NPAS3: variants seen among roughly 807,000 people sequenced by gnomAD.
NPAS3 encodes the protein neuronal PAS domain-containing protein 3.
NPAS3 carries 14 observed loss-of-function variants against 73.1 expected under a neutral mutation model. The observed-to-expected ratio is 0.19, with a 90% CI of 0.13 to 0.30. NPAS3 has a LOEUF of 0.30. Ranked by LOEUF, NPAS3 falls within the 10% of genes least tolerant of loss-of-function variation. The pLI is 1.00. For synonymous variants in NPAS3, 620 were observed against 541.5 expected (o/e 1.14, Z -2.01); for missense variants, 1,096 against 1,250.0 (o/e 0.88, Z 1.86).
chr14:33,124,919 G>A (rs1279314), intron 2 of NPAS3, among the ~76,000 whole-genome samples: 14,058 of 152,150 alleles, frequency 0.092, 845 homozygotes, highest in African/African-American at 0.17. Flanking sequence ...TGGCAAGGAA[G>A]ATGCCTTAGG....
intron 2 of NPAS3, among the ~76,000 whole-genome samples, chr14:33,130,945 G>A (rs887363038): frequency 1.3e-5 from 2 of 152,110 alleles, no homozygotes; most frequent in Non-Finnish European, 2.9e-5. Flanking sequence ...TTCACTTCCA[G>A]AAGGGACAAC....
chr14:33,215,976 AT>A (rs1206523623), intron 3 of NPAS3, among the ~76,000 whole-genome samples: 2 of 152,228 alleles, frequency 1.3e-5, no homozygotes, highest in African/African-American at 2.4e-5. Flanking sequence ...CAAATCCTTG[AT>A]GCAGTTACTC....
intron 3 of NPAS3, among the ~76,000 whole-genome samples, chr14:33,234,732 A>G (rs1391086934): frequency 1.3e-5 from 2 of 152,094 alleles, no homozygotes; most frequent in African/African-American, 4.8e-5. Flanking sequence ...GGGTTTTTAG[A>G]AAATTATCAA....
At chr14:33,351,807 A>C (rs1428897448) in intron 3 of NPAS3, among the ~76,000 whole-genome samples, 2 of 152,310 alleles carry the variant, frequency 1.3e-5, no homozygotes, top group South Asian at 2.1e-4. Flanking sequence ...TAAAATCGGC[A>C]GTTTATGCAT....
At chr14:33,660,138 TG>T (rs1229010829) in intron 5 of NPAS3, among the ~76,000 whole-genome samples, 5 of 152,120 alleles carry the variant, frequency 3.3e-5, no homozygotes, top group African/African-American at 1.2e-4. Flanking sequence ...AATGAATACC[TG>T]GGTGCTAATA....
At chr14:33,477,019 T>C (rs747914656) in intron 4 of NPAS3, among the ~76,000 whole-genome samples, 1 of 140,170 alleles carries the variant, frequency 7.1e-6, no homozygotes, top group Non-Finnish European at 1.7e-5. Flanking sequence ...AATATTAATA[T>C]CTTGCTCTGT....
intron 1 of NPAS3, among the ~76,000 whole-genome samples, chr14:32,984,525 T>C (rs145312583): frequency 6.6e-6 from 1 of 152,338 alleles, no homozygotes; most frequent in East Asian, 1.9e-4. Context: ...TACTTATGCT[T>C]CAGTTCTCTA....
chr14:33,215,335 T>C lies in NPAS3; in HGVS notation c.294T>C (p.Ile98=), dbSNP rs139734921. 1,779 of 1,590,724 alleles carry C rather than the reference T, an allele frequency of 1.1e-3. 15 individuals are homozygous for C. In the African/African-American group the frequency reaches 0.016, roughly 14 times the overall value. ...AGGCATCCATCATTCGACTTACAAT[T>C]AGCTATCTGAAAATGAGGGACTTTG... Residue 98 remains isoleucine (I), a synonymous_variant, in exon 3 of 12, where the codon ATT becomes ATC. Transcript: ENST00000356141.
intron 5 of NPAS3, chr14:33,583,209 A>G (rs2056745128): frequency 6.6e-6 from 1 of 152,184 alleles, no homozygotes; most frequent in African/African-American, 2.4e-5. Context: ...TTGGTGAAGG[A>G]CAGAGAAAGA....
At chr14:33,605,892 C>A (rs1020950921) in intron 5 of NPAS3, among the ~76,000 whole-genome samples, 2 of 151,980 alleles carry the variant, frequency 1.3e-5, no homozygotes, top group African/African-American at 4.8e-5. Context: ...CAGGGGTATG[C>A]AAGTACCTAG....
At chr14:33,730,433 G>T (rs976534094) in intron 6 of NPAS3, among the ~76,000 whole-genome samples, 1 of 152,126 alleles carries the variant, frequency 6.6e-6, no homozygotes, top group East Asian at 1.9e-4. Flanking sequence ...CCAAATTACA[G>T]CAAAGATTTA....
intron 1 of NPAS3, among the ~76,000 whole-genome samples, chr14:32,961,978 T>C (rs994307368): frequency 2.0e-5 from 3 of 152,188 alleles, no homozygotes; most frequent in Admixed American, 1.3e-4. Context: ...TTACTCTAAG[T>C]AAATAATTAA....
intron 6 of NPAS3, among the ~76,000 whole-genome samples, chr14:33,688,684 A>G (rs1223073008): frequency 1.3e-5 from 2 of 152,230 alleles, no homozygotes; most frequent in Non-Finnish European, 2.9e-5. Flanking sequence ...GTTTTAAGAC[A>G]AGACCTGTCA....
At chr14:32,962,308 A>T (rs1229296007) in intron 1 of NPAS3, among the ~76,000 whole-genome samples, 5 of 152,182 alleles carry the variant, frequency 3.3e-5, no homozygotes, top group African/African-American at 1.2e-4. Context: ...GAAACTATTA[A>T]CCACTACTGA....
At chr14:33,161,274 A>G (rs899079729) in intron 2 of NPAS3, among the ~76,000 whole-genome samples, 2 of 152,240 alleles carry the variant, frequency 1.3e-5, no homozygotes, top group Non-Finnish European at 1.5e-5. Context: ...AATGCCTACT[A>G]TGTGCCAAGC....
intron 3 of NPAS3, among the ~76,000 whole-genome samples, chr14:33,269,705 A>G (rs1301302694): frequency 6.6e-6 from 1 of 152,162 alleles, no homozygotes; most frequent in Non-Finnish European, 1.5e-5. Context: ...CCTCTGATAT[A>G]CAAAACAATG....
chr14:33,445,050 A>G (rs2049423326), intron 4 of NPAS3, among the ~76,000 whole-genome samples: 1 of 152,094 alleles, frequency 6.6e-6, no homozygotes, highest in Non-Finnish European at 1.5e-5. Flanking sequence ...TTCTAGGATT[A>G]TTTTCTCCTC....
intron 3 of NPAS3, among the ~76,000 whole-genome samples, chr14:33,326,273 T>C (rs1176447217): frequency 1.3e-5 from 2 of 152,198 alleles, no homozygotes; most frequent in Admixed American, 6.5e-5. Context: ...GACAAAGTAT[T>C]ATAAGCATTA....
intron 4 of NPAS3, among the ~76,000 whole-genome samples, chr14:33,387,783 C>A (rs1462241123): frequency 6.6e-6 from 1 of 152,150 alleles, no homozygotes; most frequent in Middle Eastern, 3.2e-3. Context: ...ACTAATTCAT[C>A]AAATATTGAT....
Sources: gnomAD v4.1 joint callset for allele counts (sites outside exome capture counted in the v4.1 genomes callset) on GRCh38, gnomAD v4.1.1 for gene constraint, MANE v1.5 for transcripts, NCBI Gene and HGNC (gene_info 2026-07-23, HGNC 2026-07-21) for gene names.